Variants in KCND3 observed in about 807,000 individuals in gnomAD.
The protein encoded by KCND3 is A-type voltage-gated potassium channel KCND3.
A neutral mutation model predicts 51.1 loss-of-function variants in KCND3; 9 were observed. The observed-to-expected ratio is 0.18, with a 90% CI of 0.11 to 0.31. The LOEUF (loss-of-function observed/expected upper bound fraction) is 0.31, where lower values mean the gene tolerates loss of function less well. Among genes scored for constraint, KCND3 ranks in the 10% least tolerant of loss-of-function variants. The probability of loss-of-function intolerance (pLI) is 1.00; values close to 1 mark genes in which losing one functional copy is unlikely to be tolerated. For synonymous variants in KCND3, 349 were observed against 368.0 expected, an observed-to-expected ratio of 0.95 and a Z score of 0.59; for missense variants, 526 against 903.8, an observed-to-expected ratio of 0.58 and a Z score of 5.36.
At position 111,854,582 on chromosome 1, in the gene KCND3, G is replaced by T. The variant is rs545206329; in HGVS notation, c.1107-67476C>A. Among the ~76,000 whole-genome samples, 185 of 152,338 alleles carry T rather than the reference G, an allele frequency of 1.2e-3. 1 individual carries two copies. Among genetic ancestry groups the T allele is most frequent in the Non-Finnish European group, 1.9e-3 (126 of 68,026 alleles). On this transcript the variant is annotated intron_variant, in intron 2 of 7. Coordinates refer to ENST00000302127, the MANE Select transcript of KCND3 (RefSeq NM_001378969.1). ...AAAGGCAGGCGTCGGGTGAGACACT[G>T]ACCCTTGCCACTGGGCAGAGGCTGG...
intron 2 of KCND3, among the ~76,000 whole-genome samples, chr1:111,791,532 C>T (rs1016905994): frequency 9.9e-5 from 15 of 152,222 alleles, no homozygotes; most frequent in South Asian, 2.1e-4. Context: ...GCTGTACCCC[C>T]GACTTTCCTG....
chr1:111,980,758 C>T (rs1267443051), intron 2 of KCND3, among the ~76,000 whole-genome samples: 2 of 152,170 alleles, frequency 1.3e-5, no homozygotes, highest in Non-Finnish European at 2.9e-5. Flanking sequence ...CCTTCCTGAG[C>T]CCCCTTCCTC....
chr1:111,989,563 G>T lies in KCND3; in HGVS notation c.-131C>A, dbSNP rs926258379. 6.7e-6 allele frequency among the ~76,000 whole-genome samples: 1 copy of T among 148,996 alleles called. No homozygotes were observed. Among genetic ancestry groups the T allele is most frequent in the African/African-American group, 2.4e-5 (1 of 41,036 alleles). ...CGCCCCGCGCGCGCGAGGAAGCTGC[G>T]GCCGGGAGCCGGGGCCGCGGAGGCG... is the stretch of plus-strand genomic sequence containing the variant. On this transcript the variant is annotated 5_prime_UTR_variant, in exon 1 of 8. Coordinates refer to ENST00000302127, the MANE Select transcript of KCND3 (RefSeq NM_001378969.1).
intron 2 of KCND3, among the ~76,000 whole-genome samples, chr1:111,943,082 G>C (rs948223452): frequency 1.3e-5 from 2 of 152,166 alleles, no homozygotes; most frequent in Admixed American, 6.5e-5. Context: ...AACTGTCCGG[G>C]AGAAGGGGAC....
chr1:111,877,262 C>A (rs558472380), intron 2 of KCND3, among the ~76,000 whole-genome samples: 1 of 152,228 alleles, frequency 6.6e-6, no homozygotes. Context: ...TTGTCTGAAG[C>A]GTCAATGATC....
chr1:111,828,990 G>A (rs1666706599), intron 2 of KCND3, among the ~76,000 whole-genome samples: 1 of 152,152 alleles, frequency 6.6e-6, no homozygotes, highest in Non-Finnish European at 1.5e-5. Flanking sequence ...TCTGGTTGAG[G>A]TCTTAGCATT....
chr1:111,804,814 T>C (rs1665485561), intron 2 of KCND3, among the ~76,000 whole-genome samples: 1 of 152,214 alleles, frequency 6.6e-6, no homozygotes, highest in Non-Finnish European at 1.5e-5. Context: ...AATTGCCAAA[T>C]CATAGCGTTA....
At chr1:111,809,682 T>C (rs7540117) in intron 2 of KCND3, among the ~76,000 whole-genome samples, 12,446 of 152,202 alleles carry the variant, frequency 0.082, 897 homozygotes, top group African/African-American at 0.18. Context: ...TGTATGCGTG[T>C]GTGTGCACGC....
intron 2 of KCND3, among the ~76,000 whole-genome samples, chr1:111,798,235 T>C (rs762978676): frequency 1.3e-5 from 2 of 152,138 alleles, no homozygotes; most frequent in Non-Finnish European, 2.9e-5. Context: ...CCATATGCAC[T>C]GGGCTCCTCC....
At chr1:111,872,254 T>C (rs1204773179) in intron 2 of KCND3, among the ~76,000 whole-genome samples, 1 of 152,158 alleles carries the variant, frequency 6.6e-6, no homozygotes, top group African/African-American at 2.4e-5. Flanking sequence ...CAAGGTGTGC[T>C]CCACAGACCC....
chr1:111,874,660 T>C (rs976604725), intron 2 of KCND3, among the ~76,000 whole-genome samples: 2 of 152,212 alleles, frequency 1.3e-5, no homozygotes, highest in African/African-American at 4.8e-5. Flanking sequence ...TTTGTGATCA[T>C]TGCCTGAGCA....
At chr1:111,964,429 G>C (rs984831875) in intron 2 of KCND3, among the ~76,000 whole-genome samples, 2 of 140,646 alleles carry the variant, frequency 1.4e-5, no homozygotes, top group Admixed American at 1.5e-4. Flanking sequence ...TCCCTCCCCC[G>C]GCCCCCACAG....
intron 2 of KCND3, among the ~76,000 whole-genome samples, chr1:111,907,337 G>A (rs553869953): frequency 1.6e-4 from 24 of 152,352 alleles, no homozygotes; most frequent in African/African-American, 5.8e-4. Context: ...TGTTGCCCTT[G>A]TGTGTGGGCT....
intron 2 of KCND3, among the ~76,000 whole-genome samples, chr1:111,896,565 T>C (rs1191851604): frequency 1.3e-5 from 2 of 152,118 alleles, no homozygotes; most frequent in Non-Finnish European, 2.9e-5. Flanking sequence ...AGCTGTCTAG[T>C]AGAGAGCTCA....
In KCND3 at chr1:111,773,759, T is replaced by A. The variant is rs944127411; in HGVS notation, c.*2318A>T. ...TATCTCTTACCCCAGTCAGATCTTA[T>A]GAAGCATAACTAAGATACTTAGACA... On this transcript the variant is annotated 3_prime_UTR_variant, in exon 8 of 8. Transcript: ENST00000302127. 6.6e-6 allele frequency: 1 copy of A among 152,166 alleles called. No homozygotes were observed. Among genetic ancestry groups the A allele is most frequent in the Non-Finnish European group, 1.5e-5 (1 of 68,022 alleles). 9.4% of individuals were successfully genotyped at this position (152,166 alleles called of 1,614,324 possible). A position where few individuals can be genotyped will look rare whatever the true frequency, so the allele number is the denominator to read the frequency against.
At chr1:111,842,098 C>T (rs1571724836) in intron 2 of KCND3, among the ~76,000 whole-genome samples, 1 of 152,158 alleles carries the variant, frequency 6.6e-6, no homozygotes, top group Non-Finnish European at 1.5e-5. Flanking sequence ...GCAATATGGG[C>T]ATCACTGTGG....
At chr1:111,779,704 G>A (rs1249475809) in intron 5 of KCND3, among the ~76,000 whole-genome samples, 1 of 151,464 alleles carries the variant, frequency 6.6e-6, no homozygotes, top group African/African-American at 2.4e-5. Flanking sequence ...CTGGGCAGGG[G>A]TGGGGGTGGG....
At chr1:111,826,450 G>A (rs1416327070) in intron 2 of KCND3, among the ~76,000 whole-genome samples, 1 of 152,096 alleles carries the variant, frequency 6.6e-6, no homozygotes, top group East Asian at 1.9e-4. Flanking sequence ...CAACTTTCAG[G>A]TCTAGGACAC....
At position 111,810,571 on chromosome 1, in the gene KCND3, A is replaced by G. The variant is rs79471638; in HGVS notation, c.1107-23465T>C. ...TTCCTTCTCTTCTCAGTGAGAATCT[A>G]TAGCCAATTAGCTGAGCCCAGGGAG... On this transcript the variant is annotated intron_variant, in intron 2 of 7. Coordinates refer to ENST00000302127, the MANE Select transcript of KCND3 (RefSeq NM_001378969.1). Among the ~76,000 whole-genome samples, 891 of 152,320 alleles carry G rather than the reference A, an allele frequency of 5.8e-3. 8 individuals are homozygous for G. The highest frequency in any genetic ancestry group is 0.021 in the African/African-American group (860 of 41,564).
Sources: allele counts gnomAD v4.1 joint callset (sites outside exome capture counted in the v4.1 genomes callset), GRCh38; gene constraint gnomAD v4.1.1; transcripts MANE v1.5; gene names NCBI Gene and HGNC (gene_info 2026-07-23, HGNC 2026-07-21).